Variants in SYS1 observed in about 807,000 individuals in gnomAD.
The protein encoded by SYS1 is SYS1 golgi trafficking protein.
Under a neutral mutation model 17.8 loss-of-function variants are expected in SYS1, and 8 were observed. That is an observed-to-expected ratio of 0.45 (90% CI 0.26 to 0.81). The LOEUF is 0.81. SYS1 is among the 40% of genes least tolerant of loss of function. The probability of loss-of-function intolerance (pLI) is 0.16; values close to 1 mark genes in which losing one functional copy is unlikely to be tolerated. For missense variants in SYS1, 161 were observed against 203.9 expected (o/e 0.79, Z 1.28); for synonymous variants, 95 against 90.9 (o/e 1.05, Z -0.26).
chr20:45,368,145 G>C lies in SYS1; in HGVS notation c.*1030G>C, dbSNP rs531866460. 48 of 985,236 alleles carry C rather than the reference G, an allele frequency of 4.9e-5. No individual in the cohort carries two copies. Among genetic ancestry groups the C allele is most frequent in the Non-Finnish European group, 5.7e-5 (47 of 829,938 alleles). The allele number at this position is 985,236 out of a possible 1,614,324, so 61.0% of individuals were successfully genotyped here. A position where few individuals can be genotyped will look rare whatever the true frequency, so the allele number is the denominator to read the frequency against. ...GCCTGCACTTACTTTGTAATGCCAC[G>C]GTTGAGATTGAGAGAGATCAGCGCA... On this transcript the variant is annotated 3_prime_UTR_variant, in exon 4 of 4. Transcript: ENST00000243918.
In SYS1 at chr20:45,367,995, G is replaced by T; in HGVS notation, c.*880G>T. On this transcript the variant is annotated 3_prime_UTR_variant, in exon 4 of 4. Transcript: ENST00000243918. ...GAAGCCCAACCTTCTGGCCTGGGCT[G>T]TGCTGATAGTGCTGAGGGAGATAGG... 3.0e-6 allele frequency: 3 copies of T among 985,488 alleles called. No homozygotes were observed. The highest frequency in any genetic ancestry group is 3.6e-6 in the Non-Finnish European group (3 of 829,974). 61.0% of individuals were successfully genotyped at this position (985,488 alleles called of 1,614,324 possible).
exon 4 of SYS1, chr20:45,376,306 G>C (rs1258522050): frequency 6.6e-6 from 1 of 152,300 alleles, no homozygotes; most frequent in African/African-American, 2.4e-5. Context: ...AGCCAAGGGC[G>C]TGGAGAGAGA....
exon 4 of SYS1, chr20:45,375,671 A>C: frequency 7.8e-7 from 1 of 1,273,952 alleles, no homozygotes; most frequent in Non-Finnish European, 1.1e-6. Flanking sequence ...CCTGCAAAGA[A>C]ACTTCTCTAC....
At chr20:45,364,041 G>A (rs947716339) in intron 2 of SYS1, among the ~76,000 whole-genome samples, 27 of 152,152 alleles carry the variant, frequency 1.8e-4, no homozygotes, top group African/African-American at 6.0e-4. Flanking sequence ...GCATTCGTGC[G>A]GGTACAGTGG....
At chr20:45,363,798 G>A (rs1297997739) in intron 2 of SYS1, 105 bp downstream of exon 2, 1 of 1,251,760 alleles carries the variant, frequency 8.0e-7, no homozygotes, top group African/African-American at 1.5e-5. Flanking sequence ...TTCTTTCTTT[G>A]TAGCCCTGGG....
chr20:45,363,293 T>G lies in SYS1; in HGVS notation c.-26T>G. 1.5e-6 allele frequency: 2 copies of G among 1,327,538 alleles called. No homozygotes were observed. Among genetic ancestry groups the G allele is most frequent in the Non-Finnish European group, 1.9e-6 (2 of 1,036,064 alleles). 82.2% of individuals were successfully genotyped at this position (1,327,538 alleles called of 1,614,324 possible). A position where few individuals can be genotyped will look rare whatever the true frequency, so the allele number is the denominator to read the frequency against. On this transcript the variant is annotated 5_prime_UTR_variant, in exon 1 of 4. Coordinates refer to ENST00000243918, the MANE Select transcript of SYS1 (RefSeq NM_033542.4). ...GTGAGGCCGGGCCACGCTCAGACAC[T>G]TCGATCGTCGAGTCTGTCACTGGTG...
At chr20:45,363,068 C>T (rs1219528686), upstream of SYS1, 1 of 985,264 alleles carries the variant, frequency 1.0e-6, no homozygotes, top group Non-Finnish European at 1.2e-6. Context: ...CTGCTTGTAC[C>T]TGGTTCAGGA....
chr20:45,373,694 C>G, downstream of SYS1: 2 of 590,110 alleles, frequency 3.4e-6, no homozygotes, highest in Non-Finnish European at 6.0e-6. Context: ...GAGCGCGCCA[C>G]TCAGGAGACT....
rs1409787136 is a variant in SYS1, at chr20:45,367,978, A to G, written c.*863A>G. On this transcript the variant is annotated 3_prime_UTR_variant, in exon 4 of 4. Coordinates refer to ENST00000243918, the MANE Select transcript of SYS1 (RefSeq NM_033542.4). ...TGGGTTCCCAGAGACAAGAAGCCCA[A>G]CCTTCTGGCCTGGGCTGTGCTGATA... The G allele has an allele frequency of 3.0e-6, 3 of 985,300 alleles. No homozygotes were observed. Among genetic ancestry groups the G allele is most frequent in the Non-Finnish European group, 2.4e-6 (2 of 829,926 alleles). 61.0% of individuals were successfully genotyped at this position (985,300 alleles called of 1,614,324 possible).
chr20:45,371,892 C>CT (rs1988568354), downstream of SYS1, among the ~76,000 whole-genome samples: 1 of 152,186 alleles, frequency 6.6e-6, no homozygotes, highest in African/African-American at 2.4e-5. Context: ...CTGGCTTCTC[C>CT]TACATCAAGC....
chr20:45,363,735 C>T, intron 2 of SYS1, 42 bp downstream of exon 2: 4 of 1,536,142 alleles, frequency 2.6e-6, no homozygotes, highest in South Asian at 1.2e-5. Context: ...TCGGCCTCCC[C>T]GAGTAGGCTT....
At chr20:45,363,958 C>T (rs549667676) in intron 2 of SYS1, among the ~76,000 whole-genome samples, 1 of 152,286 alleles carries the variant, frequency 6.6e-6, no homozygotes, top group African/African-American at 2.4e-5. Context: ...CTTTCTGATA[C>T]TCTGGGAAAG....
chr20:45,373,357 A>G, downstream of SYS1: 1 of 164,184 alleles, frequency 6.1e-6, no homozygotes, highest in Admixed American at 5.7e-5. Context: ...CCCAGCTGAC[A>G]TCCACTTTTT....
chr20:45,370,972 C>T (rs1988548627), downstream of SYS1, among the ~76,000 whole-genome samples: 1 of 152,140 alleles, frequency 6.6e-6, no homozygotes, highest in Non-Finnish European at 1.5e-5. Context: ...CCCTGCCCTG[C>T]CGCTACCTGG....
chr20:45,367,312 GTC>G lies in SYS1; in HGVS notation c.*199_*200del. On this transcript the variant is annotated 3_prime_UTR_variant, in exon 4 of 4. Coordinates refer to ENST00000243918, the MANE Select transcript of SYS1 (RefSeq NM_033542.4). ...CATGACAGCTGCAAGAATGACCTCT[GTC>G]TGTTGAAGCCTTGGTATCTGAGAGG... is the stretch of plus-strand genomic sequence containing the variant. 1 of 1,414,628 alleles carries G rather than the reference GTC, an allele frequency of 7.1e-7. No individual in the cohort carries two copies. The highest frequency in any genetic ancestry group is 9.2e-7 in the Non-Finnish European group (1 of 1,086,628). The allele number at this position is 1,414,628 out of a possible 1,614,324, so 87.6% of individuals were successfully genotyped here. A position where few individuals can be genotyped will look rare whatever the true frequency, so the allele number is the denominator to read the frequency against.
At chr20:45,375,651 G>C (rs1159408693) in exon 4 of SYS1, 4 of 1,447,546 alleles carry the variant, frequency 2.8e-6, no homozygotes, top group Non-Finnish European at 2.8e-6. Context: ...GTTAAGAAAG[G>C]CTAGAGGGGC....
chr20:45,362,040 G>A, upstream of SYS1: 1 of 984,862 alleles, frequency 1.0e-6, no homozygotes, highest in Non-Finnish European at 1.2e-6. Context: ...GTGAGTTATC[G>A]ATTTGCTCTT....
chr20:45,374,977 G>A, exon 4 of SYS1: 2 of 1,563,274 alleles, frequency 1.3e-6, no homozygotes, highest in Non-Finnish European at 8.7e-7. Flanking sequence ...CTGGGGCCCA[G>A]CTCTGGGCCT....
At chr20:45,374,497 C>T in exon 4 of SYS1, 2 of 539,234 alleles carry the variant, frequency 3.7e-6, no homozygotes, top group South Asian at 2.9e-5. Context: ...GTCTTGAACT[C>T]CTGGCCTCAA....
Sources: gnomAD v4.1 joint callset for allele counts (sites outside exome capture counted in the v4.1 genomes callset) on GRCh38, gnomAD v4.1.1 for gene constraint, MANE v1.5 for transcripts, NCBI Gene and HGNC (gene_info 2026-07-23, HGNC 2026-07-21) for gene names.